Variants in MAP2K1 observed in about 807,000 individuals in gnomAD.
MAP2K1 encodes dual specificity mitogen-activated protein kinase kinase 1.
A neutral mutation model predicts 46.3 loss-of-function variants in MAP2K1; 16 were observed. The ratio of observed to expected loss-of-function variants is 0.35; its 90% CI spans 0.23 to 0.52. MAP2K1 has a LOEUF of 0.52. MAP2K1 is among the 20% of genes least tolerant of loss of function. The pLI is 0.94. For missense variants in MAP2K1, 263 were observed against 497.1 expected, an observed-to-expected ratio of 0.53 and a Z score of 4.48; for synonymous variants, 183 against 185.6, an observed-to-expected ratio of 0.99 and a Z score of 0.11.
At chr15:66,420,638 A>G (rs2093435667) in intron 1 of MAP2K1, among the ~76,000 whole-genome samples, 1 of 143,608 alleles carries the variant, frequency 7.0e-6, no homozygotes, top group Non-Finnish European at 1.5e-5. Flanking sequence ...TTTCAAAATA[A>G]ATTTACCTGT....
chr15:66,410,039 A>G (rs544806205), intron 1 of MAP2K1, among the ~76,000 whole-genome samples: 88 of 152,346 alleles, frequency 5.8e-4, no homozygotes, highest in Middle Eastern at 3.4e-3. Flanking sequence ...TGTATATATG[A>G]AGAGGTTGAG....
intron 3 of MAP2K1, among the ~76,000 whole-genome samples, chr15:66,441,636 T>C (rs1037753350): frequency 6.6e-6 from 1 of 152,106 alleles, no homozygotes; most frequent in African/African-American, 2.4e-5. Context: ...CATTCAACTG[T>C]TTGTTCCCTG....
chr15:66,477,871 C>G (rs1273293252), intron 5 of MAP2K1, among the ~76,000 whole-genome samples: 1 of 152,132 alleles, frequency 6.6e-6, no homozygotes, highest in African/African-American at 2.4e-5. Flanking sequence ...CAGTCTCGTT[C>G]CATTTTCAGC....
Position 66,490,543 on chromosome 15 carries a change from T to C in MAP2K1, c.1110T>C (p.Asp370=). The change falls in exon 11 of 11, where the codon GAT becomes GAC. Residue 370 remains aspartate, a synonymous_variant. Coordinates refer to ENST00000307102, the MANE Select transcript of MAP2K1 (RefSeq NM_002755.4). The stretch of plus-strand genomic sequence containing the variant: ...AGAGATCTGATGCTGAGGAAGTGGA[T>C]TTTGCAGGTTGGCTCTGCTCCACCA... ...FIKRSDAEEV[D]FAGWLCSTIG... 2 of 1,614,136 alleles carry C rather than the reference T, an allele frequency of 1.2e-6. No individual in the cohort carries two copies. Among genetic ancestry groups the C allele is most frequent in the Non-Finnish European group, 1.7e-6 (2 of 1,180,002 alleles).
intron 5 of MAP2K1, among the ~76,000 whole-genome samples, chr15:66,447,789 C>G (rs1891912161): frequency 6.6e-6 from 1 of 151,950 alleles, no homozygotes; most frequent in South Asian, 2.1e-4. Context: ...CATTCACATT[C>G]TTGTGCAGCC....
chr15:66,489,649 T>C, intron 9 of MAP2K1, 69 bp from the exon 10 acceptor site: 2 of 1,193,392 alleles, frequency 1.7e-6, no homozygotes, highest in East Asian at 2.3e-5. Flanking sequence ...AAGACAGGCA[T>C]GCAAACATGT....
Position 66,478,177 on chromosome 15 carries a change from C to T in MAP2K1, c.569-3578C>T, listed in dbSNP as rs1325501847. Among the ~76,000 whole-genome samples the T allele has an allele frequency of 2.6e-5, 4 of 151,194 alleles. No homozygotes were observed. The East Asian group carries it at 5.8e-4, about 22-fold the overall frequency. On this transcript the variant is annotated intron_variant, in intron 5 of 10. Coordinates refer to ENST00000307102, the MANE Select transcript of MAP2K1 (RefSeq NM_002755.4). Reference sequence around the variant, plus strand: ...CTCAAATGTCCTCTCCTCACAGGGCCGTTCCTTGCCACCCTGTCACAACAG... The same window carrying T: ...CTCAAATGTCCTCTCCTCACAGGGCTGTTCCTTGCCACCCTGTCACAACAG...
At chr15:66,443,173 G>T (rs533630132) in intron 3 of MAP2K1, 107 bp from the exon 4 acceptor site, 5 of 564,780 alleles carry the variant, frequency 8.9e-6, no homozygotes. Context: ...TGCAAGCTCC[G>T]CCTCCCAGGT....
chr15:66,416,436 C>T (rs1442681299), intron 1 of MAP2K1, among the ~76,000 whole-genome samples: 1 of 151,978 alleles, frequency 6.6e-6, no homozygotes, highest in African/African-American at 2.4e-5. Flanking sequence ...CATAGCCTAG[C>T]CTCTAGTATA....
chr15:66,486,143 C>T (rs566268456), intron 7 of MAP2K1, among the ~76,000 whole-genome samples: 15 of 152,358 alleles, frequency 9.8e-5, no homozygotes, highest in African/African-American at 2.9e-4. Context: ...TCAAGTGATC[C>T]TCCTGCCTTG....
At chr15:66,428,209 A>G (rs925124767) in intron 1 of MAP2K1, among the ~76,000 whole-genome samples, 2 of 151,656 alleles carry the variant, frequency 1.3e-5, no homozygotes, top group Admixed American at 1.3e-4. Context: ...ACTAGCACCC[A>G]GGAATTCCCC....
At chr15:66,429,667 C>T (rs977754508) in intron 1 of MAP2K1, among the ~76,000 whole-genome samples, 4 of 33,600 alleles carry the variant, frequency 1.2e-4, no homozygotes, top group Non-Finnish European at 2.1e-4. Flanking sequence ...CTGCGGCGCC[C>T]CCCCCCCCCC....
At chr15:66,478,567 C>T (rs1216301291) in intron 5 of MAP2K1, among the ~76,000 whole-genome samples, 1 of 150,000 alleles carries the variant, frequency 6.7e-6, no homozygotes, top group African/African-American at 2.5e-5. Flanking sequence ...GGCACGATCT[C>T]GGCTCATTGC....
intron 5 of MAP2K1, among the ~76,000 whole-genome samples, chr15:66,464,344 G>T (rs1199615709): frequency 6.6e-6 from 1 of 152,042 alleles, no homozygotes; most frequent in African/African-American, 2.4e-5. Context: ...AGTGATATAG[G>T]CCACATTATT....
chr15:66,442,878 A>C (rs1259039603), intron 3 of MAP2K1, among the ~76,000 whole-genome samples: 1 of 152,156 alleles, frequency 6.6e-6, no homozygotes, highest in Non-Finnish European at 1.5e-5. Flanking sequence ...TGGCACACAG[A>C]ACTCAGGGAA....
chr15:66,408,678 G>C (rs1040292101), intron 1 of MAP2K1, among the ~76,000 whole-genome samples: 1 of 152,052 alleles, frequency 6.6e-6, no homozygotes, highest in African/African-American at 2.4e-5. Context: ...GGGGATCAGC[G>C]CATGGTTCAT....
chr15:66,413,081 A>G (rs2140540101), intron 1 of MAP2K1, among the ~76,000 whole-genome samples: 1 of 152,128 alleles, frequency 6.6e-6, no homozygotes, highest in East Asian at 1.9e-4. Flanking sequence ...TTTTTAGTAG[A>G]GACAGGGTTT....
intron 5 of MAP2K1, among the ~76,000 whole-genome samples, chr15:66,454,298 C>T (rs1892109229): frequency 1.3e-5 from 2 of 152,052 alleles, no homozygotes; most frequent in South Asian, 4.1e-4. Context: ...CGTTTTTTTC[C>T]ACTGTATCAC....
intron 5 of MAP2K1, among the ~76,000 whole-genome samples, chr15:66,452,994 A>G (rs1892076302): frequency 6.6e-6 from 1 of 152,168 alleles, no homozygotes; most frequent in Non-Finnish European, 1.5e-5. Flanking sequence ...GGTTTGTTAC[A>G]TGGATGGATG....
Sources: gnomAD v4.1 joint callset for allele counts (sites outside exome capture counted in the v4.1 genomes callset) on GRCh38, gnomAD v4.1.1 for gene constraint, MANE v1.5 for transcripts, NCBI Gene and HGNC (gene_info 2026-07-23, HGNC 2026-07-21) for gene names.